Variants in DENND1A observed in about 807,000 individuals in gnomAD.
The protein encoded by DENND1A is DENN domain-containing protein 1A.
Under a neutral mutation model 113.7 loss-of-function variants are expected in DENND1A, and 51 were observed. The observed-to-expected ratio is 0.45, with a 90% CI of 0.36 to 0.57. The LOEUF is 0.57. Among genes scored for constraint, DENND1A ranks in the 20% least tolerant of loss-of-function variants. DENND1A has a pLI of 0.00. For synonymous variants in DENND1A, 565 were observed against 570.8 expected (o/e 0.99, Z 0.14); for missense variants, 1,258 against 1,395.9 (o/e 0.90, Z 1.57).
chr9:123,843,042 G>C (rs1590327513), intron 2 of DENND1A: 2 of 496,700 alleles, frequency 4.0e-6, no homozygotes, highest in Non-Finnish European at 8.1e-6. Context: ...TACCATGAAA[G>C]ATACTGACAT....
intron 5 of DENND1A, among the ~76,000 whole-genome samples, chr9:123,714,614 C>T (rs2066856420): frequency 6.6e-6 from 1 of 151,872 alleles, no homozygotes; most frequent in South Asian, 2.1e-4. Flanking sequence ...AATACAAAAA[C>T]AAAAACAAAA....
At chr9:123,450,784 T>C (rs769748729) in intron 17 of DENND1A, 35 bp from the exon 18 acceptor site, 1 of 1,570,748 alleles carries the variant, frequency 6.4e-7, no homozygotes, top group Non-Finnish European at 8.7e-7. Context: ...AAGATTCCCT[T>C]TCTGTTTCCA....
chr9:123,895,265 A>T (rs1850548397), intron 1 of DENND1A, among the ~76,000 whole-genome samples: 1 of 152,074 alleles, frequency 6.6e-6, no homozygotes, highest in Non-Finnish European at 1.5e-5. Flanking sequence ...TCCACTGAAA[A>T]CTATAAATAA....
At chr9:123,746,387 G>C (rs945275639) in intron 5 of DENND1A, among the ~76,000 whole-genome samples, 10 of 151,810 alleles carry the variant, frequency 6.6e-5, no homozygotes, top group Admixed American at 5.9e-4. Context: ...GTTTTAAAAA[G>C]ATTGAAAAAA....
intron 2 of DENND1A, among the ~76,000 whole-genome samples, chr9:123,857,394 T>C (rs556411653): frequency 3.3e-4 from 50 of 152,236 alleles, no homozygotes; most frequent in African/African-American, 1.1e-3. Flanking sequence ...CAAAGTCAAA[T>C]AAACAAATAA....
At chr9:123,638,344 G>C (rs1325438106) in intron 9 of DENND1A, among the ~76,000 whole-genome samples, 1 of 152,098 alleles carries the variant, frequency 6.6e-6, no homozygotes, top group Non-Finnish European at 1.5e-5. Context: ...TTACATGGGG[G>C]ACTGATAACA....
chr9:123,659,955 A>G (rs117889661), intron 8 of DENND1A, among the ~76,000 whole-genome samples: 2,497 of 152,334 alleles, frequency 0.016, 32 homozygotes, highest in South Asian at 0.029. Context: ...AAAAGTTCAG[A>G]TTCTCCTTAG....
Position 123,457,824 on chromosome 9 carries a change from T to C in DENND1A, c.1067A>G (p.Gln356Arg). The C allele has an allele frequency of 1.9e-6, 3 of 1,612,520 alleles. No homozygotes were observed. Among genetic ancestry groups the C allele is most frequent in the Non-Finnish European group, 2.5e-6 (3 of 1,179,392 alleles). The stretch of plus-strand genomic sequence containing the variant: ...GAAGAGCTGCAGCTGTGTGGCGTTC[T>C]GCAGGAACTGCCTCATGGCTCCGGA... ...YRSGAMRQFLQNATQLQLFKQ... is the reference protein window; with the variant it reads ...YRSGAMRQFLRNATQLQLFKQ... Residue 356 changes from glutamine to arginine, a missense_variant, in exon 14 of 24, where the codon CAG (glutamine) becomes CGG (arginine). This residue lies in a region of DENND1A where 1,159 missense variants were observed against 1,231.7 expected (regional missense o/e 0.94). Coordinates refer to ENST00000394215, the MANE Select transcript of DENND1A (RefSeq NM_001352964.2).
intron 2 of DENND1A, among the ~76,000 whole-genome samples, chr9:123,835,685 C>T (rs1220741825): frequency 6.6e-6 from 1 of 150,686 alleles, no homozygotes; most frequent in East Asian, 1.9e-4. Context: ...AAGAAAAAAC[C>T]TGAGTACCTT....
intron 2 of DENND1A, among the ~76,000 whole-genome samples, chr9:123,828,318 G>C (rs542274742): frequency 9.2e-5 from 14 of 152,008 alleles, no homozygotes; most frequent in Admixed American, 6.6e-4. Flanking sequence ...TGAACAGATA[G>C]GTCAGAAAAA....
chr9:123,827,328 T>C (rs1350678261), intron 2 of DENND1A, among the ~76,000 whole-genome samples: 1 of 151,016 alleles, frequency 6.6e-6, no homozygotes, highest in African/African-American at 2.4e-5. Flanking sequence ...TAGAATAAGA[T>C]TATTTAGTGG....
intron 12 of DENND1A, among the ~76,000 whole-genome samples, chr9:123,562,667 T>C (rs2057824918): frequency 6.6e-6 from 1 of 152,202 alleles, no homozygotes; most frequent in Non-Finnish European, 1.5e-5. Flanking sequence ...TTATCCTTTA[T>C]AAAAAAGCAT....
At chr9:123,827,652 C>G (rs1443581078) in intron 2 of DENND1A, among the ~76,000 whole-genome samples, 1 of 152,064 alleles carries the variant, frequency 6.6e-6, no homozygotes, top group African/African-American at 2.4e-5. Context: ...AAATCCCCAA[C>G]AGGATGAAGA....
chr9:123,886,966 T>A (rs1184980523), intron 1 of DENND1A, among the ~76,000 whole-genome samples: 1 of 152,132 alleles, frequency 6.6e-6, no homozygotes, highest in Non-Finnish European at 1.5e-5. Context: ...TACGGGAAGA[T>A]TCTTAAGCCT....
At chr9:123,452,161 T>C in intron 17 of DENND1A, 115 bp downstream of exon 17, 1 of 976,374 alleles carries the variant, frequency 1.0e-6, no homozygotes, top group South Asian at 1.5e-5. Flanking sequence ...ACCACTGCAC[T>C]CCAGCCTGGG....
rs1320052793 is a variant in DENND1A at position 123,878,940 on chromosome 9, A to G, written c.88+11T>C. 3 of 1,613,622 alleles carry G rather than the reference A, an allele frequency of 1.9e-6. No individual in the cohort carries two copies. The highest frequency in any genetic ancestry group is 1.1e-5 in the South Asian group (1 of 91,068). ...GTAACACACCATATCATAATCAAACATGCAAAGTACCTGAAAGAGTGCCAC... is the reference window on the plus strand; with the variant it reads ...GTAACACACCATATCATAATCAAACGTGCAAAGTACCTGAAAGAGTGCCAC... On this transcript the variant is annotated intron_variant, in intron 2 of 23. Coordinates refer to ENST00000394215, the MANE Select transcript of DENND1A (RefSeq NM_001352964.2).
intron 12 of DENND1A, among the ~76,000 whole-genome samples, chr9:123,572,008 G>C (rs186170290): frequency 1.3e-5 from 2 of 152,182 alleles, no homozygotes; most frequent in East Asian, 3.9e-4. Flanking sequence ...GGTTTATTGA[G>C]GTATGATTTA....
chr9:123,601,565 T>C (rs1036041987), intron 11 of DENND1A, among the ~76,000 whole-genome samples: 7 of 152,138 alleles, frequency 4.6e-5, no homozygotes, highest in African/African-American at 1.7e-4. Flanking sequence ...CTAAGGAAAT[T>C]CCAGGACCAA....
chr9:123,668,956 T>G (rs542591166), intron 7 of DENND1A, among the ~76,000 whole-genome samples: 1 of 152,230 alleles, frequency 6.6e-6, no homozygotes, highest in Admixed American at 6.5e-5. Context: ...GTGGTGATTA[T>G]GTAGCTCAGC....
Sources: gnomAD v4.1 joint callset for allele counts (sites outside exome capture counted in the v4.1 genomes callset) on GRCh38, gnomAD v4.1.1 for gene constraint, gnomAD v4.1.1 regional missense constraint, MANE v1.5 for transcripts, NCBI Gene and HGNC (gene_info 2026-07-23, HGNC 2026-07-21) for gene names.